Variants in DDX60 observed in about 807,000 individuals in gnomAD.
The protein encoded by DDX60 is DExD/H-box helicase 60.
A neutral mutation model predicts 212.8 loss-of-function variants in DDX60; 165 were observed. The observed-to-expected ratio is 0.78, with a 90% CI of 0.68 to 0.88. The LOEUF (loss-of-function observed/expected upper bound fraction) is 0.88. Ranked by LOEUF, DDX60 falls within the 40% of genes least tolerant of loss-of-function variation. The probability of loss-of-function intolerance (pLI) is 0.00; values close to 1 mark genes in which losing one functional copy is unlikely to be tolerated. For missense variants in DDX60, 1,905 were observed against 2,003.9 expected (o/e 0.95, Z 0.94); for synonymous variants, 703 against 685.3 (o/e 1.03, Z -0.40).
At chr4:168,255,070 C>G (rs957320267) in intron 26 of DDX60, among the ~76,000 whole-genome samples, 1 of 151,942 alleles carries the variant, frequency 6.6e-6, no homozygotes, top group African/African-American at 2.4e-5. Flanking sequence ...TCAAGGCTCT[C>G]AAGTCCAAAA....
intron 33 of DDX60, among the ~76,000 whole-genome samples, chr4:168,234,668 G>A (rs771137161): frequency 1.3e-4 from 20 of 151,672 alleles, no homozygotes; most frequent in Non-Finnish European, 2.6e-4. Context: ...TACAATTACC[G>A]ACCTCTTTTC....
In DDX60 at chr4:168,273,380, C is replaced by A. The variant is rs748269095; in HGVS notation, c.2473G>T (p.Ala825Ser). 2 of 1,613,686 alleles carry A rather than the reference C, an allele frequency of 1.2e-6. No individual in the cohort carries two copies. Among genetic ancestry groups the A allele is most frequent in the South Asian group, 1.1e-5 (1 of 91,028 alleles). ...GTAAAACGATTCTGAACAGTTGCTGCCACTTGATTAACAAGGGCCTGATTG... is the reference window on the plus strand; with the variant it reads ...GTAAAACGATTCTGAACAGTTGCTGACACTTGATTAACAAGGGCCTGATTG... ...APTKALVNQV[A>S]ATVQNRFTKN... is the part of the protein sequence containing the mutation. The change falls in exon 18 of 38, where the codon GCA (alanine) becomes TCA (serine). Residue 825 changes from alanine to serine, a missense_variant. Transcript: ENST00000393743.
At chr4:168,227,210 GTT>G (rs61106831) in intron 33 of DDX60, among the ~76,000 whole-genome samples, 3,490 of 145,390 alleles carry the variant, frequency 0.024, 105 homozygotes, top group African/African-American at 0.077. Flanking sequence ...TTGTGGGAAT[GTT>G]TTTTTTTTTT....
chr4:168,221,371 A>G (rs1168557408), intron 36 of DDX60, among the ~76,000 whole-genome samples: 1 of 152,164 alleles, frequency 6.6e-6, no homozygotes, highest in Non-Finnish European at 1.5e-5. Flanking sequence ...CAAATACTGG[A>G]GAGCATGCCA....
chr4:168,261,080 T>C, intron 24 of DDX60, 91 bp from the exon 25 acceptor site: 12 of 1,395,484 alleles, frequency 8.6e-6, no homozygotes, highest in Non-Finnish European at 1.1e-5. Context: ...AGTTGTCTAA[T>C]ATATGTTTTT....
chr4:168,321,772 T>G (rs1737614051), upstream of DDX60, among the ~76,000 whole-genome samples: 1 of 152,208 alleles, frequency 6.6e-6, no homozygotes, highest in Non-Finnish European at 1.5e-5. Context: ...CAGTTTGTTG[T>G]GTATTTTAAC....
chr4:168,310,365 T>G (rs1352321668), intron 3 of DDX60, among the ~76,000 whole-genome samples: 1 of 152,154 alleles, frequency 6.6e-6, no homozygotes, highest in Non-Finnish European at 1.5e-5. Flanking sequence ...ATGGCACCAT[T>G]GAAGATGTCA....
At chr4:168,307,667 T>C (rs561114885) in intron 4 of DDX60, among the ~76,000 whole-genome samples, 9 of 152,136 alleles carry the variant, frequency 5.9e-5, no homozygotes, top group Admixed American at 5.9e-4. Context: ...TGGGCTCATA[T>C]AAATTGCCTG....
chr4:168,265,835 A>G (rs1579019168), intron 22 of DDX60, among the ~76,000 whole-genome samples: 1 of 89,168 alleles, frequency 1.1e-5, no homozygotes, highest in Admixed American at 1.3e-4. Context: ...GAAGGAGGGA[A>G]GGAAGGGAAG....
the DDX60 span, among the ~76,000 whole-genome samples, chr4:168,324,321 A>G: frequency 1.3e-5 from 2 of 151,744 alleles, no homozygotes; most frequent in African/African-American, 2.4e-5. Context: ...AGGGCTGAAG[A>G]AGGGCAATAT....
At chr4:168,301,007 G>A (rs1039674406) in intron 6 of DDX60, among the ~76,000 whole-genome samples, 8 of 152,058 alleles carry the variant, frequency 5.3e-5, no homozygotes, top group African/African-American at 1.9e-4. Context: ...AACATTGGGT[G>A]ATGGGTACAC....
At chr4:168,243,855 A>G (rs1733933351) in intron 30 of DDX60, among the ~76,000 whole-genome samples, 1 of 152,166 alleles carries the variant, frequency 6.6e-6, no homozygotes, top group Admixed American at 6.5e-5. Context: ...GAATCACTCC[A>G]AATGCCCATT....
intron 5 of DDX60, among the ~76,000 whole-genome samples, chr4:168,305,079 C>A (rs183709584): frequency 1.2e-4 from 19 of 152,250 alleles, no homozygotes; most frequent in African/African-American, 4.6e-4. Context: ...CTTAGATACA[C>A]AAATAATTAT....
intron 33 of DDX60, among the ~76,000 whole-genome samples, chr4:168,234,109 A>C (rs1053162416): frequency 1.1e-4 from 16 of 152,106 alleles, no homozygotes; most frequent in African/African-American, 3.6e-4. Context: ...GCTTCTTAGA[A>C]GGAAATGTGT....
chr4:168,262,699 C>G lies in DDX60; in HGVS notation c.3128G>C (p.Ser1043Thr), dbSNP rs1475097832. The stretch of plus-strand genomic sequence containing the variant: ...ATTATTTACCTGGGCCCGAGGCCAA[C>G]TTTTCCAAATTTGAAACATGGCATC... ...LYDAMFQIWK[S>T]WPRAQELCPE... The change falls in exon 23 of 38, where the codon AGT becomes ACT. Residue 1043 changes from serine to threonine, a missense_variant. By Grantham distance (58) the Ser-to-Thr change is moderately conservative (BLOSUM62 1). Transcript: ENST00000393743. 6.2e-7 allele frequency: 1 copy of G among 1,611,632 alleles called. No individual in the cohort carries two copies. The highest frequency in any genetic ancestry group is 1.1e-5 in the South Asian group (1 of 90,758).
At chr4:168,279,441 T>A (rs1273963986) in intron 14 of DDX60, among the ~76,000 whole-genome samples, 1 of 152,226 alleles carries the variant, frequency 6.6e-6, no homozygotes, top group African/African-American at 2.4e-5. Context: ...GCCTGGTGTT[T>A]GATTACATTC....
chr4:168,237,209 G>A (rs1052880016), intron 32 of DDX60, 77 bp downstream of exon 32: 1 of 1,018,364 alleles, frequency 9.8e-7, no homozygotes, highest in African/African-American at 1.7e-5. Context: ...AAATATTCCT[G>A]AAGTGTTGTT....
In DDX60 at chr4:168,276,267, C is replaced by G. The variant is rs1579036489; in HGVS notation, c.1979-86G>C. ...ACCCAAGATTAATCATCTAGATGGC[C>G]TCACTATCTCACTTGGCATTAGTGG... On this transcript the variant is annotated intron_variant, in intron 14 of 37. Coordinates refer to ENST00000393743, the MANE Select transcript of DDX60 (RefSeq NM_017631.6). The G allele has an allele frequency of 7.4e-6, 8 of 1,077,668 alleles. No homozygotes were observed. The East Asian group carries it at 2.1e-4, about 28-fold the overall frequency. The allele number at this position is 1,077,668 out of a possible 1,614,324, so 66.8% of individuals were successfully genotyped here.
intron 6 of DDX60, among the ~76,000 whole-genome samples, chr4:168,298,648 A>C (rs1162969155): frequency 6.6e-6 from 1 of 152,144 alleles, no homozygotes; most frequent in East Asian, 1.9e-4. Context: ...TATAGTAACA[A>C]ATTTTAAAAC....
Sources: allele counts gnomAD v4.1 joint callset (sites outside exome capture counted in the v4.1 genomes callset), GRCh38; gene constraint gnomAD v4.1.1; transcripts MANE v1.5; gene names NCBI Gene and HGNC (gene_info 2026-07-23, HGNC 2026-07-21).